Variants in PRKN observed in about 807,000 individuals in gnomAD.
PRKN encodes E3 ubiquitin-protein ligase parkin.
In PRKN, 56 loss-of-function variants were observed where a neutral mutation model predicts 59.5. That is an observed-to-expected ratio of 0.94 (90% confidence interval 0.76 to 1.18). PRKN has a LOEUF of 1.18. Among genes scored for constraint, PRKN ranks in the 50% most tolerant of loss-of-function variants. The pLI, the probability that PRKN is intolerant of heterozygous loss-of-function variation, is 0.00. For synonymous variants in PRKN, 250 were observed against 222.1 expected (o/e 1.13, Z -1.12); for missense variants, 657 against 596.4 (o/e 1.10, Z -1.06).
chr6:162,160,442 G>A (rs1782702991), intron 4 of PRKN, among the ~76,000 whole-genome samples: 1 of 152,122 alleles, frequency 6.6e-6, no homozygotes, highest in Non-Finnish European at 1.5e-5. Flanking sequence ...ATGGCAGTCG[G>A]AGACTTTCCT....
intron 5 of PRKN, among the ~76,000 whole-genome samples, chr6:161,991,979 C>A (rs564435086): frequency 3.3e-5 from 5 of 151,986 alleles, no homozygotes; most frequent in Non-Finnish European, 7.4e-5. Context: ...CAAATAAAAA[C>A]CAAAAGTGGA....
At chr6:162,360,092 T>G (rs1051082891) in intron 2 of PRKN, among the ~76,000 whole-genome samples, 2 of 151,936 alleles carry the variant, frequency 1.3e-5, no homozygotes, top group African/African-American at 2.4e-5. Context: ...TGTGTGTGTG[T>G]GGGTGGGTGT....
intron 1 of PRKN, among the ~76,000 whole-genome samples, chr6:162,544,749 C>T (rs1779053776): frequency 7.2e-6 from 1 of 139,368 alleles, no homozygotes; most frequent in African/African-American, 2.7e-5. Flanking sequence ...GCGATGTCGA[C>T]TCACGGCAAC....
At chr6:162,468,992 C>T (rs1198726927) in intron 1 of PRKN, among the ~76,000 whole-genome samples, 6 of 151,990 alleles carry the variant, frequency 3.9e-5, no homozygotes, top group Non-Finnish European at 8.8e-5. Flanking sequence ...GATATGAGGT[C>T]CTACCAATGA....
chr6:161,496,966 C>G (rs368568473), intron 9 of PRKN, among the ~76,000 whole-genome samples: 11 of 152,308 alleles, frequency 7.2e-5, no homozygotes, highest in African/African-American at 2.6e-4. Context: ...CCTCCAGAAC[C>G]GTGAGACAAC....
At chr6:162,724,918 T>G (rs560125166) in intron 1 of PRKN, among the ~76,000 whole-genome samples, 133 of 152,354 alleles carry the variant, frequency 8.7e-4, no homozygotes, top group African/African-American at 3.1e-3. Flanking sequence ...GATAAGCCTG[T>G]GCCCAGGCAA....
intron 2 of PRKN, among the ~76,000 whole-genome samples, chr6:162,415,325 G>A (rs1788574628): frequency 6.6e-6 from 1 of 152,168 alleles, no homozygotes; most frequent in Non-Finnish European, 1.5e-5. Flanking sequence ...GCACCGAAAT[G>A]CAGCAATTGT....
chr6:162,390,153 C>T (rs1267509779), intron 2 of PRKN, among the ~76,000 whole-genome samples: 4 of 152,006 alleles, frequency 2.6e-5, no homozygotes, highest in Admixed American at 2.6e-4. Flanking sequence ...TGAGATCCTA[C>T]ATAACGTGGG....
At chr6:162,501,516 T>G in intron 1 of PRKN, among the ~76,000 whole-genome samples, 1 of 61,806 alleles carries the variant, frequency 1.6e-5, no homozygotes, top group South Asian at 5.1e-4. Context: ...CCTGGTTAAT[T>G]TTTTTTTTTT....
chr6:161,723,460 G>C (rs1787311445), intron 7 of PRKN, among the ~76,000 whole-genome samples: 1 of 152,076 alleles, frequency 6.6e-6, no homozygotes, highest in Non-Finnish European at 1.5e-5. Context: ...GTGTGGGAGG[G>C]GAAACCTACA....
intron 4 of PRKN, among the ~76,000 whole-genome samples, chr6:162,073,895 G>A (rs913820281): frequency 6.6e-6 from 1 of 152,154 alleles, no homozygotes; most frequent in African/African-American, 2.4e-5. Context: ...CAAGAAAAAA[G>A]TCACATGGAG....
chr6:162,631,621 T>C (rs1330821239), intron 1 of PRKN, among the ~76,000 whole-genome samples: 2 of 152,204 alleles, frequency 1.3e-5, no homozygotes, highest in Non-Finnish European at 2.9e-5. Flanking sequence ...TTTGTAAATA[T>C]CCTCTGCCAT....
At chr6:161,869,936 T>C (rs1794277165) in intron 6 of PRKN, among the ~76,000 whole-genome samples, 1 of 152,222 alleles carries the variant, frequency 6.6e-6, no homozygotes, top group African/African-American at 2.4e-5. Context: ...GATGGGTTGA[T>C]TTCAGAAGAT....
intron 3 of PRKN, among the ~76,000 whole-genome samples, chr6:162,232,991 T>G (rs999317033): frequency 2.6e-5 from 4 of 152,156 alleles, no homozygotes; most frequent in Non-Finnish European, 5.9e-5. Context: ...AGCATAAAAG[T>G]GTGTTTATTT....
intron 1 of PRKN, among the ~76,000 whole-genome samples, chr6:162,682,476 A>G (rs956774473): frequency 2.0e-5 from 3 of 152,226 alleles, no homozygotes; most frequent in African/African-American, 7.2e-5. Context: ...GCTGGAGGCC[A>G]TTATGTTAAG....
Position 161,360,345 on chromosome 6 carries a change from G to A in PRKN, c.1168-140C>T. 2.7e-6 allele frequency: 2 copies of A among 742,176 alleles called. No individual in the cohort carries two copies. Among genetic ancestry groups the A allele is most frequent in the Admixed American group, 3.9e-5 (2 of 51,226 alleles). 46.0% of individuals were successfully genotyped at this position (742,176 alleles called of 1,614,324 possible). ...AAGAAGCCTAAATATCAATGCACTT[G>A]ACAAATGCTAGACAGCTACTAGGCG... is the stretch of plus-strand genomic sequence containing the variant. On this transcript the variant is annotated intron_variant, in intron 10 of 11. Coordinates refer to ENST00000366898, the MANE Select transcript of PRKN (RefSeq NM_004562.3). This position sits in a 1 kb window ranked among gnomAD's most constrained non-coding sequence, Gnocchi z 5.1.
chr6:162,040,153 T>C (rs1337782587), intron 5 of PRKN, among the ~76,000 whole-genome samples: 2 of 152,094 alleles, frequency 1.3e-5, no homozygotes, highest in East Asian at 3.9e-4. Flanking sequence ...ACACCTGGGT[T>C]CCTTAGCCAT....
intron 9 of PRKN, among the ~76,000 whole-genome samples, chr6:161,534,263 A>G (rs979446229): frequency 6.6e-6 from 1 of 152,134 alleles, no homozygotes; most frequent in Admixed American, 6.5e-5. Context: ...TTCTGCCTGA[A>G]ATATTTCAGT....
intron 7 of PRKN, among the ~76,000 whole-genome samples, chr6:161,613,066 A>G (rs544248380): frequency 1.2e-4 from 19 of 152,306 alleles, no homozygotes; most frequent in African/African-American, 4.3e-4. Flanking sequence ...CCTCTGATGG[A>G]TCTGGGCAAA....
Sources: allele counts gnomAD v4.1 joint callset (sites outside exome capture counted in the v4.1 genomes callset), GRCh38; gene constraint gnomAD v4.1.1; non-coding constraint Gnocchi (gnomAD v3.1); transcripts MANE v1.5; gene names NCBI Gene and HGNC (gene_info 2026-07-23, HGNC 2026-07-21).